Variants in LRRC4C observed in about 807,000 individuals in gnomAD.
LRRC4C encodes the protein leucine-rich repeat-containing protein 4C.
A neutral mutation model predicts 33.6 loss-of-function variants in LRRC4C; 5 were observed. The observed-to-expected ratio is 0.15, with a 90% CI of 0.08 to 0.31. The LOEUF (loss-of-function observed/expected upper bound fraction) is 0.31. Among genes scored for constraint, LRRC4C ranks in the 10% least tolerant of loss-of-function variants. LRRC4C has a pLI of 1.00. For synonymous variants in LRRC4C, 329 were observed against 302.0 expected, an observed-to-expected ratio of 1.09 and a Z score of -0.93; for missense variants, 560 against 796.7, an observed-to-expected ratio of 0.70 and a Z score of 3.58.
At chr11:41,290,811 G>A (rs1465384012) in intron 1 of LRRC4C, among the ~76,000 whole-genome samples, 1 of 151,994 alleles carries the variant, frequency 6.6e-6, no homozygotes, top group Non-Finnish European at 1.5e-5. Flanking sequence ...ACAAACAAAG[G>A]TCTTAGTACA....
intron 3 of LRRC4C, among the ~76,000 whole-genome samples, chr11:40,431,640 G>T (rs955840246): frequency 6.6e-6 from 1 of 151,586 alleles, no homozygotes; most frequent in East Asian, 1.9e-4. Flanking sequence ...AAAATGTTTT[G>T]TCATCTGTTA....
chr11:40,635,209 T>G (rs1480422171), intron 3 of LRRC4C, among the ~76,000 whole-genome samples: 2 of 152,196 alleles, frequency 1.3e-5, no homozygotes, highest in African/African-American at 4.8e-5. Flanking sequence ...AGGTCATCCA[T>G]CATAGAATTC....
chr11:40,278,230 G>A (rs1028158161), intron 4 of LRRC4C, among the ~76,000 whole-genome samples: 6 of 152,100 alleles, frequency 3.9e-5, no homozygotes, highest in Non-Finnish European at 8.8e-5. Flanking sequence ...ATGAGTTTCC[G>A]TCACCTTGCC....
intron 2 of LRRC4C, among the ~76,000 whole-genome samples, chr11:40,712,481 C>G (rs1468756687): frequency 6.6e-6 from 1 of 152,124 alleles, no homozygotes; most frequent in Non-Finnish European, 1.5e-5. Context: ...CACCCAAAAT[C>G]TAATCTTGAA....
At position 41,262,078 on chromosome 11, in the gene LRRC4C, T is replaced by C. The variant is rs550663458; in HGVS notation, c.-496+197353A>G. ...AATAAGTGAGATACACTTTAGAGAGTAGGAAATGATAGGATCAGGAACTCT... is the reference window on the plus strand; with the variant it reads ...AATAAGTGAGATACACTTTAGAGAGCAGGAAATGATAGGATCAGGAACTCT... On this transcript the variant is annotated intron_variant, in intron 1 of 6. Transcript: ENST00000528697. Among the ~76,000 whole-genome samples the C allele has an allele frequency of 3.3e-5, 5 of 151,866 alleles. No individual in the cohort carries two copies. The East Asian group carries it at 9.7e-4, about 29-fold the overall frequency.
rs1416909536 is a variant in LRRC4C, at chr11:40,429,984, A to G, written c.-269-110263T>C. Among the ~76,000 whole-genome samples, 3 of 152,186 alleles carry G rather than the reference A, an allele frequency of 2.0e-5. No individual in the cohort carries two copies. The South Asian group carries it at 6.2e-4, about 31-fold the overall frequency. On this transcript the variant is annotated intron_variant, in intron 3 of 6. Coordinates refer to ENST00000528697, the MANE Select transcript of LRRC4C (RefSeq NM_001258419.2). ...CAAAGCGCAGTTATTATTCCAAAGT[A>G]TTTTAACAAATGGCACCCTGCTTCA...
chr11:40,904,723 C>T (rs542712043), intron 2 of LRRC4C, among the ~76,000 whole-genome samples: 32 of 152,210 alleles, frequency 2.1e-4, no homozygotes, highest in African/African-American at 7.5e-4. Flanking sequence ...TAAGGTCTCC[C>T]CTCCCTGTTT....
intron 5 of LRRC4C, among the ~76,000 whole-genome samples, chr11:40,167,628 G>A (rs1178050337): frequency 6.6e-6 from 1 of 152,164 alleles, no homozygotes; most frequent in Non-Finnish European, 1.5e-5. Context: ...GGAGAGAAGA[G>A]TGGTATAGAA....
chr11:41,266,991 C>A (rs923300605), intron 1 of LRRC4C, among the ~76,000 whole-genome samples: 1 of 152,088 alleles, frequency 6.6e-6, no homozygotes. Flanking sequence ...ACAAAACTGT[C>A]CAGTAAACAA....
chr11:40,517,231 A>G (rs920321495), intron 3 of LRRC4C, among the ~76,000 whole-genome samples: 7 of 152,168 alleles, frequency 4.6e-5, no homozygotes, highest in Admixed American at 3.3e-4. Context: ...ACGGAATAAC[A>G]TAATACTATA....
chr11:40,591,666 A>G (rs1223296182), intron 3 of LRRC4C, among the ~76,000 whole-genome samples: 1 of 152,258 alleles, frequency 6.6e-6, no homozygotes, highest in African/African-American at 2.4e-5. Context: ...TTTTGTTAAC[A>G]TAAATTAAAA....
intron 2 of LRRC4C, among the ~76,000 whole-genome samples, chr11:40,836,382 C>T (rs1305225646): frequency 1.3e-5 from 2 of 152,062 alleles, no homozygotes; most frequent in African/African-American, 4.8e-5. Context: ...GTGAGGTGCA[C>T]TTAGATGTTA....
intron 3 of LRRC4C, among the ~76,000 whole-genome samples, chr11:40,554,964 G>A (rs953899415): frequency 2.1e-5 from 3 of 143,012 alleles, no homozygotes; most frequent in South Asian, 4.2e-4. Flanking sequence ...CTCGTGATCC[G>A]CCCGCCTCGG....
At chr11:40,247,549 T>C (rs1487608930) in intron 4 of LRRC4C, among the ~76,000 whole-genome samples, 1 of 152,228 alleles carries the variant, frequency 6.6e-6, no homozygotes, top group Non-Finnish European at 1.5e-5. Flanking sequence ...TGAGATTCTA[T>C]CACTTATCAA....
chr11:40,736,495 G>A (rs533027857), intron 2 of LRRC4C, among the ~76,000 whole-genome samples: 20 of 152,202 alleles, frequency 1.3e-4, no homozygotes, highest in Admixed American at 9.2e-4. Flanking sequence ...TGTTTTTGCA[G>A]TAGAATTATT....
At chr11:40,611,007 G>A (rs1961160609) in intron 3 of LRRC4C, among the ~76,000 whole-genome samples, 2 of 151,724 alleles carry the variant, frequency 1.3e-5, no homozygotes, top group African/African-American at 2.4e-5. Context: ...TGTTTCTGCA[G>A]AAATGGAAAA....
intron 1 of LRRC4C, among the ~76,000 whole-genome samples, chr11:41,177,375 T>C (rs1055203310): frequency 9.2e-5 from 14 of 152,336 alleles, no homozygotes; most frequent in Admixed American, 9.1e-4. Context: ...TTGCTTTTCC[T>C]ACTTATGAGT....
At chr11:41,424,544 G>T (rs1262090080) in intron 1 of LRRC4C, among the ~76,000 whole-genome samples, 1 of 152,164 alleles carries the variant, frequency 6.6e-6, no homozygotes, top group East Asian at 1.9e-4. Flanking sequence ...TAAATTGGGG[G>T]TTGAGGGTGA....
At chr11:40,609,830 G>A (rs1961020952) in intron 3 of LRRC4C, among the ~76,000 whole-genome samples, 1 of 151,882 alleles carries the variant, frequency 6.6e-6, no homozygotes, top group African/African-American at 2.4e-5. Flanking sequence ...ATAAAACTTA[G>A]CAAGACTAAA....
Sources: allele counts gnomAD v4.1 joint callset (sites outside exome capture counted in the v4.1 genomes callset), GRCh38; gene constraint gnomAD v4.1.1; transcripts MANE v1.5; gene names NCBI Gene and HGNC (gene_info 2026-07-23, HGNC 2026-07-21).